SNX29: variants seen among roughly 807,000 people sequenced by gnomAD.
The protein encoded by SNX29 is sorting nexin 29, also known as sorting nexin-29.
A neutral mutation model predicts 102.1 loss-of-function variants in SNX29; 78 were observed. That is an observed-to-expected ratio of 0.76 (90% CI 0.64 to 0.92). The LOEUF is 0.92. SNX29 is among the 40% of genes least tolerant of loss of function. SNX29 has a pLI of 0.00. For missense variants in SNX29, 1,280 were observed against 1,061.7 expected, an observed-to-expected ratio of 1.21 and a Z score of -2.86; for synonymous variants, 580 against 414.5, an observed-to-expected ratio of 1.40 and a Z score of -4.85.
In SNX29 at chr16:12,180,640, C is replaced by G. The variant is rs899611171; in HGVS notation, c.1596-18961C>G. On this transcript the variant is annotated intron_variant, in intron 13 of 20. Coordinates refer to ENST00000566228, the MANE Select transcript of SNX29 (RefSeq NM_032167.5). ...CTGGGACTACAGGCGCCCGCCACCA[C>G]GTCCGGCTAATTTTTTAAATATTTT... 6.6e-5 allele frequency among the ~76,000 whole-genome samples: 10 copies of G among 152,222 alleles called. 1 individual carries two copies. The highest frequency in any genetic ancestry group is 2.6e-4 in the Admixed American group (4 of 15,298).
At chr16:12,088,189 G>A in intron 11 of SNX29, 1 of 449,978 alleles carries the variant, frequency 2.2e-6, no homozygotes, top group Non-Finnish European at 4.5e-6. Flanking sequence ...CAGAAAGCTA[G>A]AGAGAGACAG....
At chr16:12,151,130 C>T (rs1020310955) in intron 13 of SNX29, among the ~76,000 whole-genome samples, 1 of 152,128 alleles carries the variant, frequency 6.6e-6, no homozygotes, top group African/African-American at 2.4e-5. Context: ...GTACCCATCC[C>T]CCAGTCTTCG....
chr16:12,129,745 C>T lies in SNX29; in HGVS notation c.1582C>T (p.Gln528Ter), dbSNP rs1277719377. Residue 528 changes from glutamine to a stop codon, truncating the protein, a stop_gained, in exon 13 of 21, where the codon CAG becomes TAG. Coordinates refer to ENST00000566228, the MANE Select transcript of SNX29 (RefSeq NM_032167.5). LOFTEE classifies it high-confidence loss of function. ...GGAGGAGCGGCAGGGCATGAAGGTC[C>T]AGGCGCTGGCCAGGTAGGAGAGGGT... Reference protein sequence around the residue: ...EQEERQGMKVQALARENEVLK... With the variant: ...EQEERQGMKV The T allele has an allele frequency of 6.2e-7, 1 of 1,607,986 alleles. No individual in the cohort carries two copies. The highest frequency in any genetic ancestry group is 1.7e-5 in the Admixed American group (1 of 59,502).
chr16:12,154,794 T>A (rs1257181338), intron 13 of SNX29, among the ~76,000 whole-genome samples: 1 of 152,192 alleles, frequency 6.6e-6, no homozygotes, highest in East Asian at 1.9e-4. Flanking sequence ...CTTCTCCCTG[T>A]GTCCTTACAT....
At chr16:12,558,026 C>G (rs573097963) in intron 20 of SNX29, among the ~76,000 whole-genome samples, 6 of 152,110 alleles carry the variant, frequency 3.9e-5, no homozygotes, top group Non-Finnish European at 5.9e-5. Context: ...GGGGAGAGCA[C>G]TGTGAGGTAA....
chr16:12,195,161 A>G (rs960442642), intron 13 of SNX29, among the ~76,000 whole-genome samples: 1 of 152,058 alleles, frequency 6.6e-6, no homozygotes, highest in African/African-American at 2.4e-5. Flanking sequence ...GTGAGTATAT[A>G]TGTGTGTGTG....
At chr16:12,209,603 A>G (rs1011274974) in intron 14 of SNX29, among the ~76,000 whole-genome samples, 22 of 151,874 alleles carry the variant, frequency 1.4e-4, no homozygotes, top group Non-Finnish European at 3.2e-4. Flanking sequence ...CATGGCTGGG[A>G]CCTGTAGGTG....
chr16:12,269,987 A>C lies in SNX29; in HGVS notation c.1679-7946A>C, dbSNP rs184651282. Among the ~76,000 whole-genome samples the C allele has an allele frequency of 3.1e-4, 47 of 152,020 alleles. 1 individual carries two copies. Among genetic ancestry groups the C allele is most frequent in the African/African-American group, 1.1e-3 (46 of 41,470 alleles). ...GCGATTCTCCTGCCTCAGCCTTCCG[A>C]GTAGCTGGGACTGCAGGCACGCACC... On this transcript the variant is annotated intron_variant, in intron 14 of 20. Transcript: ENST00000566228.
chr16:12,281,175 A>G (rs2079418093), intron 15 of SNX29, among the ~76,000 whole-genome samples: 1 of 152,202 alleles, frequency 6.6e-6, no homozygotes, highest in Non-Finnish European at 1.5e-5. Context: ...CGGCCTCTCA[A>G]AGTGCTGGGA....
chr16:12,506,285 C>T (rs1055050622), intron 19 of SNX29, among the ~76,000 whole-genome samples: 2 of 152,128 alleles, frequency 1.3e-5, no homozygotes, highest in African/African-American at 4.8e-5. Context: ...TCAAACCAAT[C>T]ACTGTATCCA....
chr16:12,224,623 G>A (rs184464808), intron 14 of SNX29, among the ~76,000 whole-genome samples: 188 of 152,308 alleles, frequency 1.2e-3, no homozygotes, highest in Middle Eastern at 0.01. Flanking sequence ...AAGTGAGATG[G>A]CCAAAGCTCA....
chr16:12,057,072 C>T (rs1206989669), intron 8 of SNX29, among the ~76,000 whole-genome samples: 1 of 152,146 alleles, frequency 6.6e-6, no homozygotes. Context: ...TGTTGGCCTC[C>T]CTGAGTGCTG....
chr16:12,551,062 G>T (rs535571126), intron 20 of SNX29, among the ~76,000 whole-genome samples: 1 of 152,242 alleles, frequency 6.6e-6, no homozygotes, highest in Middle Eastern at 3.4e-3. Flanking sequence ...AGGAAGTGGG[G>T]TGTTTTCATC....
chr16:12,096,600 A>T lies in SNX29; in HGVS notation c.1402+17685A>T, dbSNP rs1031466937. 3.3e-5 allele frequency among the ~76,000 whole-genome samples: 5 copies of T among 152,160 alleles called. No individual in the cohort carries two copies. Among genetic ancestry groups the T allele is most frequent in the African/African-American group, 1.2e-4 (5 of 41,438 alleles). ...CCACAGAGCATTCTAGTGGAGTTTTATGGTAATAAAGAAATGATGAATGAT... is the reference window on the plus strand; with the variant it reads ...CCACAGAGCATTCTAGTGGAGTTTTTTGGTAATAAAGAAATGATGAATGAT... On this transcript the variant is annotated intron_variant, in intron 11 of 20. Transcript: ENST00000566228. This position sits in a 1 kb window ranked among gnomAD's most constrained non-coding sequence, Gnocchi z 4.2.
chr16:12,329,778 CTT>C (rs1235358001), intron 15 of SNX29, among the ~76,000 whole-genome samples: 2 of 152,370 alleles, frequency 1.3e-5, no homozygotes, highest in Admixed American at 1.3e-4. Context: ...TGGCCCTTCT[CTT>C]TTCAGCTTCT....
intron 20 of SNX29, among the ~76,000 whole-genome samples, chr16:12,562,837 C>G (rs146129696): frequency 3.3e-5 from 5 of 152,178 alleles, no homozygotes; most frequent in South Asian, 2.1e-4. Flanking sequence ...TAGCATTCCC[C>G]TATAGGCAAC....
intron 3 of SNX29, among the ~76,000 whole-genome samples, chr16:12,015,354 C>A (rs900131611): frequency 2.6e-5 from 4 of 152,004 alleles, no homozygotes; most frequent in African/African-American, 9.7e-5. Flanking sequence ...GATTCTCCTG[C>A]CTCAGCGTCC....
chr16:12,151,907 T>C (rs2055318425), intron 13 of SNX29, among the ~76,000 whole-genome samples: 1 of 152,174 alleles, frequency 6.6e-6, no homozygotes. Context: ...GGCCAATTTT[T>C]GTATTTTTAG....
Position 12,573,619 on chromosome 16 carries a change from G to A in SNX29, c.*4990G>A, listed in dbSNP as rs745940014. The A allele has an allele frequency of 1.3e-4, 29 of 221,622 alleles. No individual in the cohort carries two copies. The highest frequency in any genetic ancestry group is 2.1e-4 in the Non-Finnish European group (23 of 110,646). 13.7% of individuals were successfully genotyped at this position (221,622 alleles called of 1,614,324 possible). On this transcript the variant is annotated 3_prime_UTR_variant, in exon 21 of 21. Transcript: ENST00000566228. Reference sequence around the variant, plus strand: ...TCAAATTTTCTCAGCTCTGCCGCTGGTCTCCATGAACGGCAAGGGGAACCA... The same window carrying A: ...TCAAATTTTCTCAGCTCTGCCGCTGATCTCCATGAACGGCAAGGGGAACCA...
Sources: allele counts gnomAD v4.1 joint callset (sites outside exome capture counted in the v4.1 genomes callset), GRCh38; gene constraint gnomAD v4.1.1; non-coding constraint Gnocchi (gnomAD v3.1); transcripts MANE v1.5; gene names NCBI Gene and HGNC (gene_info 2026-07-23, HGNC 2026-07-21).